The following GRM7 variants were observed in gnomAD, a reference collection of about 807,000 sequenced individuals.
GRM7 encodes the protein metabotropic glutamate receptor 7.
A neutral mutation model predicts 84.5 loss-of-function variants in GRM7; 35 were observed. The observed-to-expected ratio is 0.41, with a 90% CI of 0.32 to 0.55. The LOEUF (loss-of-function observed/expected upper bound fraction) is 0.55, where lower values mean the gene tolerates loss of function less well. GRM7 is among the 20% of genes least tolerant of loss of function. GRM7 has a pLI of 0.19. For missense variants in GRM7, 1,003 were observed against 1,194.6 expected (o/e 0.84, Z 2.36); for synonymous variants, 487 against 455.1 (o/e 1.07, Z -0.89).
chr3:7,579,133 G>A lies in GRM7; in HGVS notation c.2227G>A (p.Ala743Thr), dbSNP rs200432501. ...ACACAAGACAATGAACCCTGAGCAA[G>A]CCAGAGGGGTTCTCAAGTGTGACAT... ...DEHKTMNPEQ[A>T]RGVLKCDITD... Residue 743 changes from alanine (A) to threonine (T), a missense_variant, in exon 8 of 10, where the codon GCC becomes ACC. Physicochemically the swap from Ala to Thr is moderately conservative, Grantham distance 58. Around this residue, in one of 2 missense-constraint regions of GRM7, gnomAD observed 910 missense variants for 1,126.0 expected, o/e 0.81. Coordinates refer to ENST00000357716, the MANE Select transcript of GRM7 (RefSeq NM_000844.4). 1.2e-6 allele frequency: 2 copies of A among 1,613,894 alleles called. No individual in the cohort carries two copies. Among genetic ancestry groups the A allele is most frequent in the Admixed American group, 3.3e-5 (2 of 60,012 alleles).
chr3:6,866,712 C>A (rs1694949314), intron 1 of GRM7, among the ~76,000 whole-genome samples: 1 of 152,110 alleles, frequency 6.6e-6, no homozygotes, highest in South Asian at 2.1e-4. Context: ...ATGTAGTATT[C>A]CCATTCATCT....
intron 8 of GRM7, among the ~76,000 whole-genome samples, chr3:7,636,913 T>C (rs1321988918): frequency 8.3e-5 from 3 of 36,154 alleles, no homozygotes; most frequent in Non-Finnish European, 1.6e-4. Flanking sequence ...CTAACATCAG[T>C]GGTTTCATAA....
intron 7 of GRM7, among the ~76,000 whole-genome samples, chr3:7,478,658 C>T (rs944835281): frequency 6.6e-6 from 1 of 152,074 alleles, no homozygotes; most frequent in East Asian, 1.9e-4. Flanking sequence ...CATGGGCAGG[C>T]CATGGGCATC....
At chr3:7,029,315 CA>C (rs1207041327) in intron 1 of GRM7, among the ~76,000 whole-genome samples, 3,513 of 92,794 alleles carry the variant, frequency 0.038, 71 homozygotes, top group Non-Finnish European at 0.061. Flanking sequence ...AAAAAAAAAA[CA>C]AAAAAAAAAA....
chr3:7,334,479 CA>C (rs60549409), intron 4 of GRM7, among the ~76,000 whole-genome samples: 96,860 of 151,346 alleles, frequency 0.64, 31,914 homozygotes, highest in African/African-American at 0.81. Context: ...CAGGGACCCA[CA>C]AAAAAAATAG....
intron 1 of GRM7, among the ~76,000 whole-genome samples, chr3:7,131,327 C>T (rs1693591097): frequency 6.6e-6 from 1 of 152,110 alleles, no homozygotes. Flanking sequence ...CTACTTGAAT[C>T]CTTGGGGAGT....
At chr3:7,244,073 A>G (rs901257828) in intron 2 of GRM7, among the ~76,000 whole-genome samples, 2 of 152,234 alleles carry the variant, frequency 1.3e-5, no homozygotes, top group Admixed American at 6.5e-5. Context: ...GGATGTTACT[A>G]TACACCACTG....
chr3:7,661,793 T>TAAAAA (rs1699459981), intron 8 of GRM7, among the ~76,000 whole-genome samples: 1 of 2,422 alleles, frequency 4.1e-4, no homozygotes, highest in Admixed American at 7.0e-3. Flanking sequence ...GGTCTCCGTC[T>TAAAAA]CAAAAAAAAA....
intron 1 of GRM7, among the ~76,000 whole-genome samples, chr3:6,936,082 G>A (rs960797051): frequency 3.3e-5 from 5 of 152,220 alleles, no homozygotes; most frequent in Admixed American, 6.5e-5. Flanking sequence ...CACAAAGCTC[G>A]GTGACTTTCC....
chr3:6,919,384 TTTA>T (rs1697046063), intron 1 of GRM7, among the ~76,000 whole-genome samples: 1 of 149,104 alleles, frequency 6.7e-6, no homozygotes, highest in Non-Finnish European at 1.5e-5. Flanking sequence ...TTTTTTTTTT[TTTA>T]ATAGAGATGG....
At chr3:6,981,635 C>T (rs1392569922) in intron 1 of GRM7, among the ~76,000 whole-genome samples, 5 of 152,078 alleles carry the variant, frequency 3.3e-5, no homozygotes, top group South Asian at 2.1e-4. Context: ...TGATAGCCTC[C>T]GAGTCTGACT....
intron 2 of GRM7, among the ~76,000 whole-genome samples, chr3:7,265,763 A>C (rs763016415): frequency 3.9e-5 from 6 of 152,232 alleles, no homozygotes; most frequent in Admixed American, 3.3e-4. Flanking sequence ...CTGCTATTGC[A>C]GTACAAAACA....
intron 4 of GRM7, among the ~76,000 whole-genome samples, chr3:7,383,467 C>T (rs764532229): frequency 1.3e-5 from 2 of 152,146 alleles, no homozygotes; most frequent in African/African-American, 2.4e-5. Context: ...GGAAATAATA[C>T]CTTGTATACA....
rs549158345 is a variant in GRM7 at position 7,041,196 on chromosome 3, T to C, written c.520-105256T>C. On this transcript the variant is annotated intron_variant, in intron 1 of 9. Coordinates refer to ENST00000357716, the MANE Select transcript of GRM7 (RefSeq NM_000844.4). ...AAGTGAACACTTTAATAAAGGTTTA[T>C]CTTGATTCTTAGGTGTATACATATC... is the stretch of plus-strand genomic sequence containing the variant. Among the ~76,000 whole-genome samples the C allele has an allele frequency of 3.9e-5, 6 of 152,326 alleles. No individual in the cohort carries two copies. The South Asian group carries it at 1.0e-3, about 26-fold the overall frequency.
At chr3:7,465,460 G>A (rs911133331) in intron 7 of GRM7, among the ~76,000 whole-genome samples, 2 of 150,076 alleles carry the variant, frequency 1.3e-5, no homozygotes, top group Admixed American at 6.7e-5. Flanking sequence ...AGTACCCAGA[G>A]GCACCCTACC....
intron 4 of GRM7, among the ~76,000 whole-genome samples, chr3:7,381,709 A>G (rs569484564): frequency 2.5e-4 from 38 of 152,324 alleles, no homozygotes; most frequent in Admixed American, 2.3e-3. Flanking sequence ...ATTAAATGTG[A>G]TAATGTAAAT....
intron 4 of GRM7, among the ~76,000 whole-genome samples, chr3:7,351,890 A>G (rs1430811446): frequency 2.6e-5 from 4 of 152,044 alleles, no homozygotes; most frequent in African/African-American, 2.4e-5. Context: ...GGACTGAGCT[A>G]TATTAACAGC....
chr3:7,641,088 C>T (rs75315641), intron 8 of GRM7, among the ~76,000 whole-genome samples: 1,789 of 152,162 alleles, frequency 0.012, 41 homozygotes, highest in East Asian at 0.074. Context: ...AATCATTAAC[C>T]AATTTAGTTA....
At chr3:7,193,797 C>T (rs1162300624) in intron 2 of GRM7, among the ~76,000 whole-genome samples, 3 of 151,930 alleles carry the variant, frequency 2.0e-5, no homozygotes, top group African/African-American at 7.3e-5. Flanking sequence ...CAAGCTACAA[C>T]ATATAGAAAT....
Sources: allele counts gnomAD v4.1 joint callset (sites outside exome capture counted in the v4.1 genomes callset), GRCh38; gene constraint gnomAD v4.1.1; regional missense constraint gnomAD v4.1.1; transcripts MANE v1.5; gene names NCBI Gene and HGNC (gene_info 2026-07-23, HGNC 2026-07-21).